The following APC2 variants were observed in gnomAD, a reference collection of about 807,000 sequenced individuals.
APC2 encodes the protein APC regulator of Wnt signaling pathway 2.
Under a neutral mutation model 72.5 loss-of-function variants are expected in APC2, and 41 were observed. The ratio of observed to expected loss-of-function variants is 0.57; its 90% CI spans 0.44 to 0.73. APC2 has a LOEUF of 0.73. Among genes scored for constraint, APC2 ranks in the 30% least tolerant of loss-of-function variants. APC2 has a pLI of 0.00. For synonymous variants in APC2, 1,898 were observed against 1,612.0 expected, an observed-to-expected ratio of 1.18 and a Z score of -4.25; for missense variants, 3,729 against 3,403.4, an observed-to-expected ratio of 1.10 and a Z score of -2.38.
Position 1,472,859 on chromosome 19 carries a change from G to A in APC2, c.*2646G>A, listed in dbSNP as rs1056342894. On this transcript the variant is annotated 3_prime_UTR_variant, in exon 15 of 15. Coordinates refer to ENST00000590469, the MANE Select transcript of APC2 (RefSeq NM_005883.3). Reference sequence around the variant, plus strand: ...CCAGGGCCAGTCCTAAGGAGCTGAGGGTCTGAGGACGCAGGGAGGGTGGAG... The same window carrying A: ...CCAGGGCCAGTCCTAAGGAGCTGAGAGTCTGAGGACGCAGGGAGGGTGGAG... 1 of 152,348 alleles carries A rather than the reference G, an allele frequency of 6.6e-6. No individual in the cohort carries two copies. The highest frequency in any genetic ancestry group is 2.4e-5 in the African/African-American group (1 of 41,448). 9.4% of individuals were successfully genotyped at this position (152,348 alleles called of 1,614,324 possible).
chr19:1,469,677 C>G lies in APC2; in HGVS notation c.6376C>G (p.Arg2126Gly). 1 of 1,276,298 alleles carries G rather than the reference C, an allele frequency of 7.8e-7. No homozygotes were observed. Among genetic ancestry groups the G allele is most frequent in the African/African-American group, 1.6e-5 (1 of 64,108 alleles). 79.1% of individuals were successfully genotyped at this position (1,276,298 alleles called of 1,614,324 possible). A position where few individuals can be genotyped will look rare whatever the true frequency, so the allele number is the denominator to read the frequency against. Residue 2126 changes from arginine to glycine, a missense_variant, in exon 15 of 15, where the codon CGC becomes GGC. Coordinates refer to ENST00000590469, the MANE Select transcript of APC2 (RefSeq NM_005883.3). Reference protein sequence around the residue: ...PAAPASADAARRSSDGEPRPL... With the variant: ...PAAPASADAAGRSSDGEPRPL... ...GGCCCCTGCCTCAGCCGACGCCGCG[C>G]GCCGCAGCAGCGACGGGGAGCCCCG...
chr19:1,448,862 A>C (rs1402974846), upstream of APC2, among the ~76,000 whole-genome samples: 1 of 149,876 alleles, frequency 6.7e-6, no homozygotes, highest in South Asian at 2.1e-4. Flanking sequence ...AAAAAAGAAA[A>C]AAAAGAAAAA....
rs1234559453 is a variant in APC2, at chr19:1,467,149, T to C, written c.3848T>C (p.Leu1283Ser). ...GCCTCCAGCCTCAGCGCGCTGGCCT[T>C]GCACGAGCACTACGTGCAGCAGGAC... ...SCASSLSALA[L>S]HEHYVQQDVE... The change falls in exon 15 of 15, where the codon TTG becomes TCG. Residue 1283 changes from leucine to serine, a missense_variant. By Grantham distance (145) the Leu-to-Ser change is moderately radical. Transcript: ENST00000590469. The C allele has an allele frequency of 6.4e-7, 1 of 1,568,044 alleles. No individual in the cohort carries two copies. Among genetic ancestry groups the C allele is most frequent in the African/African-American group, 1.3e-5 (1 of 74,384 alleles).
rs779044971 is a variant in APC2 at position 1,466,527 on chromosome 19, C to T, written c.3226C>T (p.Leu1076=). ...SLSRCSSLSS[L]SSAGRPGPSE... ...GTCCCGATGCAGCTCCCTTTCCTCG[C>T]TGTCCTCGGCCGGCCGCCCAGGCCC... The change falls in exon 15 of 15, where the codon CTG becomes TTG. Residue 1076 remains leucine (L), a synonymous_variant. Transcript: ENST00000590469. The T allele has an allele frequency of 6.3e-7, 1 of 1,591,490 alleles. No individual in the cohort carries two copies. The highest frequency in any genetic ancestry group is 1.1e-5 in the South Asian group (1 of 89,788).
Position 1,457,229 on chromosome 19 carries a change from G to A in APC2, c.1193G>A (p.Gly398Asp), listed in dbSNP as rs913607255. 7 of 1,535,094 alleles carry A rather than the reference G, an allele frequency of 4.6e-6. No individual in the cohort carries two copies. Among genetic ancestry groups the A allele is most frequent in the African/African-American group, 4.2e-5 (3 of 71,800 alleles). ...LQARDGGPEG[G>D]GAGSAPIPIE... ...GCCCGAGACGGCGGGCCCGAGGGAGGTGGCGCCGGCAGCGGTGAGTGCCTG... is the reference window on the plus strand; with the variant it reads ...GCCCGAGACGGCGGGCCCGAGGGAGATGGCGCCGGCAGCGGTGAGTGCCTG... The change falls in exon 9 of 15, where the codon GGT becomes GAT. Residue 398 changes from glycine to aspartate, a missense_variant. By Grantham distance (94) the Gly-to-Asp change is moderately conservative (BLOSUM62 -1). Transcript: ENST00000590469.
In APC2 at chr19:1,461,106, G is replaced by A; in HGVS notation, c.1591G>A (p.Ala531Thr). 6.2e-7 allele frequency: 1 copy of A among 1,613,236 alleles called. No individual in the cohort carries two copies. The highest frequency in any genetic ancestry group is 8.5e-7 in the Non-Finnish European group (1 of 1,180,022). ...CAACAGCAAGAAGGTGCTGAGGGAG[G>A]CGGGCAGCGTGACTGCCCTGGTGCA... ...DINSKKVLREAGSVTALVQCV... is the reference protein window; with the variant it reads ...DINSKKVLRETGSVTALVQCV... The change falls in exon 13 of 15, where the codon GCG becomes ACG. Residue 531 changes from alanine (A) to threonine (T), a missense_variant. Ala to Thr is a moderately conservative substitution (Grantham distance 58). Coordinates refer to ENST00000590469, the MANE Select transcript of APC2 (RefSeq NM_005883.3).
chr19:1,466,114 C>G lies in APC2; in HGVS notation c.2813C>G (p.Pro938Arg). The G allele has an allele frequency of 6.4e-7, 1 of 1,563,816 alleles. No homozygotes were observed. The change falls in exon 15 of 15, where the codon CCA (proline) becomes CGA (arginine). Residue 938 changes from proline to arginine, a missense_variant. Coordinates refer to ENST00000590469, the MANE Select transcript of APC2 (RefSeq NM_005883.3). ...NSGSASDGYC[P>R]REHMLPCPLA... ...GGCAGTGCCAGCGACGGGTACTGCCCACGCGAACATATGCTGCCCTGCCCG... is the reference window on the plus strand; with the variant it reads ...GGCAGTGCCAGCGACGGGTACTGCCGACGCGAACATATGCTGCCCTGCCCG...
At position 1,457,003 on chromosome 19, in the gene APC2, G is replaced by T. The variant is rs143870588; in HGVS notation, c.967G>T (p.Gly323Cys). The T allele has an allele frequency of 1.3e-6, 2 of 1,530,342 alleles. No homozygotes were observed. The highest frequency in any genetic ancestry group is 2.5e-5 in the East Asian group (1 of 39,862). The allele number at this position is 1,530,342 out of a possible 1,614,324, so 94.8% of individuals were successfully genotyped here. A position where few individuals can be genotyped will look rare whatever the true frequency, so the allele number is the denominator to read the frequency against. Reference sequence around the variant, plus strand: ...GCCTCTGCTGCTGCAAATCCTCCACGGCACCGAGGCCGCGGCCGGGGGTCG... The same window carrying T: ...GCCTCTGCTGCTGCAAATCCTCCACTGCACCGAGGCCGCGGCCGGGGGTCG... ...CLPLLLQILHGTEAAAGGRAG... is the reference protein window; with the variant it reads ...CLPLLLQILHCTEAAAGGRAG... The change falls in exon 9 of 15, where the codon GGC (glycine) becomes TGC (cysteine). Residue 323 changes from glycine (G) to cysteine (C), a missense_variant. Gly to Cys is a radical substitution (Grantham distance 159). Coordinates refer to ENST00000590469, the MANE Select transcript of APC2 (RefSeq NM_005883.3).
At chr19:1,462,540 A>G (rs944905313) in intron 14 of APC2, among the ~76,000 whole-genome samples, 2 of 151,174 alleles carry the variant, frequency 1.3e-5, no homozygotes, top group African/African-American at 4.9e-5. Flanking sequence ...CTGTAATCCC[A>G]GCTACTCGGG....
rs760146554 is a variant in APC2 at position 1,470,028 on chromosome 19, C to T, written c.6727C>T (p.Pro2243Ser). 1 of 1,561,290 alleles carries T rather than the reference C, an allele frequency of 6.4e-7. No homozygotes were observed. The highest frequency in any genetic ancestry group is 8.6e-7 in the Non-Finnish European group (1 of 1,159,006). The part of the protein sequence containing the change: ...PSLAKAPISA[P>S]FVHEGLGVAV... ...CCTCGCCAAGGCTCCCATCTCCGCA[C>T]CCTTCGTGCACGAGGGCCTGGGGGT... Residue 2243 changes from proline to serine, a missense_variant, in exon 15 of 15, where the codon CCC becomes TCC. Pro to Ser is a moderately conservative substitution (Grantham distance 74). Coordinates refer to ENST00000590469, the MANE Select transcript of APC2 (RefSeq NM_005883.3).
rs77359769 is a variant in APC2 at position 1,469,543 on chromosome 19, C to T, written c.6242C>T (p.Pro2081Leu). The change falls in exon 15 of 15, where the codon CCG becomes CTG. Residue 2081 changes from proline (P) to leucine (L), a missense_variant. Transcript: ENST00000590469. Reference protein sequence around the residue: ...RPARRTTSESPSRLPVRAPAA... With the variant: ...RPARRTTSESLSRLPVRAPAA... ...GCCCGGCGCACCACCTCCGAGAGCC[C>T]GTCCCGCCTGCCTGTGCGCGCGCCC... 1.4e-4 allele frequency: 164 copies of T among 1,213,212 alleles called. 2 individuals are homozygous for T. In the East Asian group the frequency reaches 9.0e-3, roughly 67 times the overall value. 75.2% of individuals were successfully genotyped at this position (1,213,212 alleles called of 1,614,324 possible). A position where few individuals can be genotyped will look rare whatever the true frequency, so the allele number is the denominator to read the frequency against.
At chr19:1,464,742 C>T (rs2083979133) in intron 14 of APC2, among the ~76,000 whole-genome samples, 3 of 148,550 alleles carry the variant, frequency 2.0e-5, no homozygotes, top group South Asian at 2.1e-4. Context: ...AAGCAGTGCT[C>T]GTGCCTCGGC....
chr19:1,461,767 G>A (rs1168637043), intron 13 of APC2, 196 bp from the exon 14 acceptor site: 23 of 569,156 alleles, frequency 4.0e-5, no homozygotes, highest in South Asian at 6.9e-5. Flanking sequence ...CAGGAGAATC[G>A]CTTGAACTGG....
chr19:1,469,858 C>G lies in APC2; in HGVS notation c.6557C>G (p.Thr2186Ser). ...CCGGCCGGGCCCCCGCCGCGCAAGA[C>G]CAGCGACGCCGTGGTCCAGACCGAG... is the stretch of plus-strand genomic sequence containing the variant. ...DAPAGPPPRKTSDAVVQTEEV... is the reference protein window; with the variant it reads ...DAPAGPPPRKSSDAVVQTEEV... The change falls in exon 15 of 15, where the codon ACC becomes AGC. Residue 2186 changes from threonine (T) to serine (S), a missense_variant. Coordinates refer to ENST00000590469, the MANE Select transcript of APC2 (RefSeq NM_005883.3). The G allele has an allele frequency of 6.6e-7, 1 of 1,521,470 alleles. No homozygotes were observed. The highest frequency in any genetic ancestry group is 8.8e-7 in the Non-Finnish European group (1 of 1,141,546). The allele number at this position is 1,521,470 out of a possible 1,614,324, so 94.2% of individuals were successfully genotyped here.
chr19:1,457,558 C>A (rs1286157652), intron 9 of APC2: 2 of 509,524 alleles, frequency 3.9e-6, no homozygotes, highest in South Asian at 2.4e-5. Flanking sequence ...GGGGGCCGGG[C>A]GCTGTGACTC....
Position 1,456,104 on chromosome 19 carries a change from A to C in APC2, c.668A>C (p.Asp223Ala), listed in dbSNP as rs772719536. Reference protein sequence around the residue: ...QIRASRLEQIDKELLEAQDRV... With the variant: ...QIRASRLEQIAKELLEAQDRV... ...CGCGCCTCGCGCCTGGAGCAGATTG[A>C]CAAGGAGCTGCTGGAGGCGCAGGAC... The change falls in exon 7 of 15, where the codon GAC becomes GCC. Residue 223 changes from aspartate (D) to alanine (A), a missense_variant. By Grantham distance (126) the Asp-to-Ala change is moderately radical. Transcript: ENST00000590469. 6.3e-7 allele frequency: 1 copy of C among 1,590,386 alleles called. No homozygotes were observed. The highest frequency in any genetic ancestry group is 8.5e-7 in the Non-Finnish European group (1 of 1,170,946).
intron 5 of APC2, 24 bp from the exon 6 acceptor site, chr19:1,455,360 G>C (rs377021589): frequency 6.2e-7 from 1 of 1,602,886 alleles, no homozygotes; most frequent in Non-Finnish European, 8.5e-7. Context: ...CCCTCACCGT[G>C]GCCCGCCCGC....
upstream of APC2, among the ~76,000 whole-genome samples, chr19:1,448,569 G>GGC (rs2083707659): frequency 6.7e-6 from 1 of 148,878 alleles, no homozygotes; most frequent in Non-Finnish European, 1.5e-5. Context: ...AAAAAGGCCG[G>GGC]GCGTGGTGGT....
Position 1,466,235 on chromosome 19 carries a change from C to A in APC2, c.2934C>A (p.Pro978=). The A allele has an allele frequency of 6.5e-7, 1 of 1,537,572 alleles. No individual in the cohort carries two copies. The highest frequency in any genetic ancestry group is 8.7e-7 in the Non-Finnish European group (1 of 1,148,946). The part of the protein sequence containing the change: ...DLDLPGCQAE[P]PAREATSADA... ...ACCTGCCCGGCTGCCAGGCCGAGCC[C>A]CCGGCCCGCGAGGCCACCTCCGCCG... The change falls in exon 15 of 15, where the codon CCC becomes CCA. Residue 978 remains proline (P), a synonymous_variant. Coordinates refer to ENST00000590469, the MANE Select transcript of APC2 (RefSeq NM_005883.3).
Sources: allele counts gnomAD v4.1 joint callset (sites outside exome capture counted in the v4.1 genomes callset), GRCh38; gene constraint gnomAD v4.1.1; transcripts MANE v1.5; gene names NCBI Gene and HGNC (gene_info 2026-07-23, HGNC 2026-07-21).